YJU2: variants seen among roughly 807,000 people sequenced by gnomAD.
The protein encoded by YJU2 is YJU2 splicing factor homolog, also known as splicing factor YJU2.
In YJU2, 28 loss-of-function variants were observed where a neutral mutation model predicts 39.6. The ratio of observed to expected loss-of-function variants is 0.71; its 90% CI spans 0.52 to 0.97. YJU2 has a LOEUF of 0.97. YJU2 is among the 50% of genes least tolerant of loss of function. YJU2 has a pLI of 0.00. For synonymous variants in YJU2, 184 were observed against 182.4 expected (o/e 1.01, Z -0.07); for missense variants, 328 against 430.4 (o/e 0.76, Z 2.11).
intron 1 of YJU2, among the ~76,000 whole-genome samples, chr19:4,248,996 G>A (rs370013214): frequency 4.6e-5 from 7 of 152,184 alleles, no homozygotes; most frequent in Admixed American, 2.0e-4. Context: ...TGTCATGACT[G>A]GTATTTAGGA....
intron 6 of YJU2, among the ~76,000 whole-genome samples, chr19:4,264,253 C>T (rs1330510285): frequency 9.8e-6 from 1 of 101,594 alleles, no homozygotes. Context: ...CAGAGCGAGA[C>T]TCTGTCTCAA....
intron 3 of YJU2, 44 bp from the exon 4 acceptor site, chr19:4,254,311 T>C (rs11085067): frequency 0.32 from 452,278 of 1,429,786 alleles, 78,226 homozygotes; most frequent in African/African-American, 0.65. Flanking sequence ...AAGATTCTAG[T>C]GCCTGGGGAT....
chr19:4,261,952 C>T (rs1397815434), intron 5 of YJU2, 42 bp from the exon 6 acceptor site: 3 of 1,602,890 alleles, frequency 1.9e-6, no homozygotes, highest in Non-Finnish European at 2.6e-6. Flanking sequence ...GGCACTGTTC[C>T]CCAAACAGAG....
chr19:4,253,887 G>A (rs990572985), intron 3 of YJU2, among the ~76,000 whole-genome samples: 6 of 151,492 alleles, frequency 4.0e-5, no homozygotes, highest in Admixed American at 2.0e-4. Context: ...ACAGTGGTGT[G>A]ATCTCAGCCT....
rs551672411 is a variant in YJU2, at chr19:4,250,100, C to T, written c.125+772C>T. On this transcript the variant is annotated intron_variant, in intron 2 of 7. Coordinates refer to ENST00000262962, the MANE Select transcript of YJU2 (RefSeq NM_018074.6). ...CCGGGAGGCCTCCATCATCCCCTCA[C>T]GGTGCCCAGATCTTGCCTTTTGTAG... 6.6e-5 allele frequency among the ~76,000 whole-genome samples: 10 copies of T among 152,272 alleles called. No homozygotes were observed. In the South Asian group the frequency reaches 1.0e-3, roughly 16 times the overall value.
chr19:4,263,585 G>A (rs1434948621), intron 6 of YJU2, among the ~76,000 whole-genome samples: 5 of 152,158 alleles, frequency 3.3e-5, no homozygotes, highest in East Asian at 1.9e-4. Flanking sequence ...CGAGGCAGGC[G>A]GATCATCTGA....
intron 6 of YJU2, 53 bp from the exon 7 acceptor site, chr19:4,267,571 G>T: frequency 4.4e-6 from 7 of 1,588,702 alleles, no homozygotes; most frequent in Non-Finnish European, 6.0e-6. Context: ...CGAGGGGCCA[G>T]ACTGGGCCCT....
At chr19:4,264,683 C>T (rs913320116) in intron 6 of YJU2, among the ~76,000 whole-genome samples, 1 of 152,056 alleles carries the variant, frequency 6.6e-6, no homozygotes. Flanking sequence ...GATGGCGTTT[C>T]ACCATGTTGG....
At chr19:4,252,944 CT>C (rs1568361017) in intron 3 of YJU2, among the ~76,000 whole-genome samples, 1 of 152,038 alleles carries the variant, frequency 6.6e-6, no homozygotes, top group African/African-American at 2.4e-5. Flanking sequence ...CAAACAAAAA[CT>C]TTTTTTGAAA....
At chr19:4,249,906 C>G (rs1002968553) in intron 2 of YJU2, among the ~76,000 whole-genome samples, 19 of 152,138 alleles carry the variant, frequency 1.2e-4, no homozygotes, top group Admixed American at 9.8e-4. Context: ...GGTGTTTTAC[C>G]ATGTTGGCCA....
At position 4,249,293 on chromosome 19, in the gene YJU2, G is replaced by A. The variant is rs771223226; in HGVS notation, c.90G>A (p.Gln30=). 8 of 1,613,908 alleles carry A rather than the reference G, an allele frequency of 5.0e-6. No homozygotes were observed. The East Asian group carries it at 1.1e-4, about 22-fold the overall frequency. The part of the protein sequence containing the change: ...IPKLKLPKDR[Q]YVVRLMAPFN... ...AACTCAAGCTCCCCAAAGACCGGCA[G>A]TACGTGGTGCGGCTGATGGCCCCCT... Residue 30 remains glutamine, a synonymous_variant, in exon 2 of 8, where the codon CAG becomes CAA. Transcript: ENST00000262962.
chr19:4,247,470 T>G (rs914571729), intron 1 of YJU2: 4 of 276,358 alleles, frequency 1.4e-5, no homozygotes, highest in Non-Finnish European at 2.8e-5. Context: ...CTTCCTTAAA[T>G]GCTGGCGGCC....
chr19:4,258,348 C>T lies in YJU2; in HGVS notation c.512C>T (p.Ala171Val). ...CGGCAGGCGCACGTGGACTTCGAGG[C>T]TATGCTGAGGCAGCACCGCCTGTCG... The part of the protein sequence containing the change: ...NQRQAHVDFE[A>V]MLRQHRLSEE... Residue 171 changes from alanine (A) to valine (V), a missense_variant, in exon 5 of 8, where the codon GCT becomes GTT. Coordinates refer to ENST00000262962, the MANE Select transcript of YJU2 (RefSeq NM_018074.6). 1 of 1,593,186 alleles carries T rather than the reference C, an allele frequency of 6.3e-7. No individual in the cohort carries two copies.
At chr19:4,263,073 C>CAA (rs748864015) in intron 6 of YJU2, among the ~76,000 whole-genome samples, 1,529 of 106,150 alleles carry the variant, frequency 0.014, 30 homozygotes, top group African/African-American at 0.036. Context: ...GACTCTGTCT[C>CAA]AAAAAAAAAA....
At chr19:4,247,307 T>C in intron 1 of YJU2, 137 bp downstream of exon 1, 1 of 730,216 alleles carries the variant, frequency 1.4e-6, no homozygotes, top group Non-Finnish European at 2.3e-6. Context: ...CTTCCCAGAC[T>C]CCTCCCTAGA....
At chr19:4,247,815 A>C (rs954859130) in intron 1 of YJU2, among the ~76,000 whole-genome samples, 3 of 150,676 alleles carry the variant, frequency 2.0e-5, no homozygotes, top group Non-Finnish European at 3.0e-5. Flanking sequence ...AAGATTCCAG[A>C]CTCCCAGAAG....
rs1442688593 is a variant in YJU2, at chr19:4,254,398, C to T, written c.314C>T (p.Thr105Met). Residue 105 changes from threonine (T) to methionine (M), a missense_variant, in exon 4 of 8, where the codon ACG becomes ATG. Transcript: ENST00000262962. Reference protein sequence around the residue: ...NTDYTMEHGATRNFQAEKLLE... With the variant: ...NTDYTMEHGAMRNFQAEKLLE... ...GACTACACCATGGAGCATGGAGCCA[C>T]GCGGAATTTCCAGGCTGAGAAGCTC... The T allele has an allele frequency of 5.6e-6, 9 of 1,613,764 alleles. No homozygotes were observed. Among genetic ancestry groups the T allele is most frequent in the African/African-American group, 1.3e-5 (1 of 74,944 alleles).
intron 2 of YJU2, among the ~76,000 whole-genome samples, chr19:4,249,636 C>T (rs781549326): frequency 4.0e-5 from 6 of 151,888 alleles, no homozygotes; most frequent in East Asian, 1.9e-4. Context: ...CAGCCAAGCT[C>T]GTTCCTACCC....
chr19:4,249,510 T>G (rs1174966386), intron 2 of YJU2, among the ~76,000 whole-genome samples, 182 bp downstream of exon 2: 1 of 152,010 alleles, frequency 6.6e-6, no homozygotes, highest in Non-Finnish European at 1.5e-5. Context: ...CTTTGGATCT[T>G]TTAGAGCCCT....
Sources: gnomAD v4.1 joint callset for allele counts (sites outside exome capture counted in the v4.1 genomes callset) on GRCh38, gnomAD v4.1.1 for gene constraint, MANE v1.5 for transcripts, NCBI Gene and HGNC (gene_info 2026-07-23, HGNC 2026-07-21) for gene names.